Variants in PARP6 observed in about 807,000 individuals in gnomAD.
PARP6 encodes poly(ADP-ribose) polymerase family member 6.
In PARP6, 27 loss-of-function variants were observed where a neutral mutation model predicts 92.0. That is an observed-to-expected ratio of 0.29 (90% CI 0.22 to 0.40). The LOEUF (loss-of-function observed/expected upper bound fraction) is 0.40. Among genes scored for constraint, PARP6 ranks in the 10% least tolerant of loss-of-function variants. The pLI, the probability that PARP6 is intolerant of heterozygous loss-of-function variation, is 1.00. For missense variants in PARP6, 501 were observed against 784.5 expected, an observed-to-expected ratio of 0.64 and a Z score of 4.32; for synonymous variants, 272 against 281.2, an observed-to-expected ratio of 0.97 and a Z score of 0.33.
chr15:72,253,703 A>T, intron 15 of PARP6, 199 bp from the exon 16 acceptor site: 1 of 689,474 alleles, frequency 1.5e-6, no homozygotes. Flanking sequence ...AAAATGACTG[A>T]AGATGCTTAC....
At chr15:72,243,987 C>T (rs916978517) in intron 20 of PARP6, 6 of 152,192 alleles carry the variant, frequency 3.9e-5, no homozygotes, top group African/African-American at 1.4e-4. Context: ...TGCATTTACA[C>T]TCAAGTCTCG....
At chr15:72,250,280 C>T (rs2084179284) in intron 18 of PARP6, 188 bp from the exon 19 acceptor site, 5 of 562,078 alleles carry the variant, frequency 8.9e-6, no homozygotes, top group South Asian at 8.2e-5. Context: ...AACTCTACGT[C>T]TCTATTTCCA....
chr15:72,259,600 T>TTAA lies in PARP6; in HGVS notation c.810+7_810+8insTTA. On this transcript the variant is annotated splice_region_variant and intron_variant, in intron 11 of 23. Transcript: ENST00000569795. ...AGGGCTTCGGAGTGACAATTTTGAC[T>TTAA]TGATTACCTGAACGAGGAATCCATA... The TTAA allele has an allele frequency of 6.2e-7, 1 of 1,613,812 alleles. No individual in the cohort carries two copies. The highest frequency in any genetic ancestry group is 8.5e-7 in the Non-Finnish European group (1 of 1,179,724).
chr15:72,250,714 C>T (rs2084229867), intron 18 of PARP6, 131 bp downstream of exon 18: 3 of 633,696 alleles, frequency 4.7e-6, no homozygotes, highest in Non-Finnish European at 8.6e-6. Context: ...GCACCTACCA[C>T]AATAGCATTT....
chr15:72,250,537 T>C (rs766571093), intron 18 of PARP6: 1 of 356,638 alleles, frequency 2.8e-6, no homozygotes, highest in African/African-American at 2.1e-5. Flanking sequence ...CCTCTCAAAA[T>C]TAGGCATAAA....
rs1022916038 is a variant in PARP6, at chr15:72,260,496, T to C, written c.738A>G (p.Pro246=). The part of the protein sequence containing the change: ...LCPQHVGLPP[P]ARTSPLVSGH... ...CATGTACCAAAGGAGAGGTCCGTGC[T>C]GGGGGAGGGAGGCCCACGTGCTGAG... The change falls in exon 10 of 24, where the codon CCA becomes CCG. Residue 246 remains proline (P), a synonymous_variant. Transcript: ENST00000569795. The C allele has an allele frequency of 6.2e-7, 1 of 1,614,022 alleles. No homozygotes were observed. The highest frequency in any genetic ancestry group is 8.5e-7 in the Non-Finnish European group (1 of 1,179,900).
chr15:72,262,879 T>C (rs1223922081), intron 8 of PARP6, among the ~76,000 whole-genome samples: 1 of 152,214 alleles, frequency 6.6e-6, no homozygotes, highest in African/African-American at 2.4e-5. Context: ...TAAGGGTATT[T>C]TGTCCTTGAT....
chr15:72,264,990 T>C (rs1205083298), intron 7 of PARP6, 91 bp downstream of exon 7: 6 of 829,434 alleles, frequency 7.2e-6, no homozygotes, highest in African/African-American at 6.7e-5. Flanking sequence ...CCCAAGGACC[T>C]TGTTCCTAAT....
At chr15:72,269,899 CAA>C (rs59023007) in intron 2 of PARP6, among the ~76,000 whole-genome samples, 84,983 of 100,316 alleles carry the variant, frequency 0.85, 35,963 homozygotes, top group South Asian at 0.95. Context: ...AACTCTGTCT[CAA>C]AAAAAAAAAA....
Position 72,267,658 on chromosome 15 carries a change from A to C in PARP6, c.-181T>G. 1.6e-6 allele frequency: 1 copy of C among 641,346 alleles called. No homozygotes were observed. Among genetic ancestry groups the C allele is most frequent in the East Asian group, 2.7e-5 (1 of 36,878 alleles). The allele number at this position is 641,346 out of a possible 1,614,324, so 39.7% of individuals were successfully genotyped here. A position where few individuals can be genotyped will look rare whatever the true frequency, so the allele number is the denominator to read the frequency against. On this transcript the variant is annotated 5_prime_UTR_variant, in exon 3 of 24. Transcript: ENST00000569795. ...TGGCAGGCTCTGCTGTTGCGGTGGT[A>C]ACAAGTCACTGTCCTGTGGAAAGTA...
chr15:72,250,914 C>T lies in PARP6; in HGVS notation c.1349G>A (p.Ser450Asn). The T allele has an allele frequency of 6.2e-7, 1 of 1,613,682 alleles. No homozygotes were observed. The highest frequency in any genetic ancestry group is 8.5e-7 in the Non-Finnish European group (1 of 1,179,854). ...MHTSHQFLLL[S>N]SPPAKEARFR... Reference sequence around the variant, plus strand: ...CCGAGCCTCCTTGGCAGGAGGGCTGCTCAGCAGGAGGAACTGGTGTGAGGT... The same window carrying T: ...CCGAGCCTCCTTGGCAGGAGGGCTGTTCAGCAGGAGGAACTGGTGTGAGGT... The change falls in exon 18 of 24, where the codon AGC becomes AAC. Residue 450 changes from serine to asparagine, a missense_variant. Coordinates refer to ENST00000569795, the MANE Select transcript of PARP6 (RefSeq NM_001323532.2).
chr15:72,242,561 C>T lies in PARP6; in HGVS notation c.1641+59G>A, dbSNP rs2083175065. 5 of 1,152,978 alleles carry T rather than the reference C, an allele frequency of 4.3e-6. No individual in the cohort carries two copies. In the East Asian group the frequency reaches 1.2e-4, roughly 27 times the overall value. 71.4% of individuals were successfully genotyped at this position (1,152,978 alleles called of 1,614,324 possible). A position where few individuals can be genotyped will look rare whatever the true frequency, so the allele number is the denominator to read the frequency against. ...CTCACCCCACTGTTTCCCTGTCCAGCTCTGGAGCCTAAATTAGCCCCAGGG... is the reference window on the plus strand; with the variant it reads ...CTCACCCCACTGTTTCCCTGTCCAGTTCTGGAGCCTAAATTAGCCCCAGGG... On this transcript the variant is annotated intron_variant, in intron 21 of 23. Transcript: ENST00000569795. The surrounding 1 kb of genome is among the most constrained non-coding windows in gnomAD (Gnocchi z 4.3).
chr15:72,262,976 T>A (rs1385212196), intron 8 of PARP6, among the ~76,000 whole-genome samples: 3 of 152,250 alleles, frequency 2.0e-5, no homozygotes, highest in Non-Finnish European at 4.4e-5. Context: ...TTGATGCATA[T>A]CTTCAACCCT....
At chr15:72,250,473 A>T in intron 18 of PARP6, 1 of 309,270 alleles carries the variant, frequency 3.2e-6, no homozygotes, top group South Asian at 4.5e-5. Flanking sequence ...TTTTAAGAAA[A>T]GGGTACTACC....
chr15:72,242,624 G>T lies in PARP6; in HGVS notation c.1637C>A (p.Pro546His), dbSNP rs753111054. ...TCATTAGAATAGTTCCAATACCTGG[G>T]GGATGGTATTCATCCTGTTGTATCT... ...VQRYNRMNTI[P>H]QTRSIQSRFL... Residue 546 changes from proline (P) to histidine (H), a missense_variant, in exon 21 of 24, where the codon CCC (proline) becomes CAC (histidine). Physicochemically the swap from Pro to His is moderately conservative, Grantham distance 77. Around this residue, in one of 4 missense-constraint regions of PARP6, gnomAD observed 191 missense variants for 399.1 expected, o/e 0.48. Transcript: ENST00000569795. The surrounding 1 kb of genome is among the most constrained non-coding windows in gnomAD (Gnocchi z 4.3). 6.3e-7 allele frequency: 1 copy of T among 1,593,976 alleles called. No individual in the cohort carries two copies.
At position 72,264,616 on chromosome 15, in the gene PARP6, A is replaced by T. The variant is rs2086324764; in HGVS notation, c.334T>A (p.Ser112Thr). The T allele has an allele frequency of 6.2e-7, 1 of 1,613,596 alleles. No individual in the cohort carries two copies. The highest frequency in any genetic ancestry group is 1.3e-5 in the African/African-American group (1 of 74,918). Residue 112 changes from serine to threonine, a missense_variant, in exon 8 of 24, where the codon TCC becomes ACC. Ser to Thr is a moderately conservative substitution (Grantham distance 58). Around this residue, in one of 4 missense-constraint regions of PARP6, gnomAD observed 291 missense variants for 352.0 expected, o/e 0.83. Transcript: ENST00000569795. ...LSQYLDGPEPSIEVFQPSNKE... is the reference protein window; with the variant it reads ...LSQYLDGPEPTIEVFQPSNKE... ...TTTGATGGCTGGAAAACCTCAATGG[A>T]TGGTTCTGCAAAGAGAAGAGAAGGC...
intron 5 of PARP6, 61 bp downstream of exon 5, chr15:72,265,836 C>T: frequency 9.0e-7 from 1 of 1,113,360 alleles, no homozygotes; most frequent in South Asian, 1.2e-5. Flanking sequence ...AAACCTCTAG[C>T]CTTTTAACAA....
intron 2 of PARP6, among the ~76,000 whole-genome samples, chr15:72,270,226 C>T (rs1313664788): frequency 6.6e-6 from 1 of 151,928 alleles, no homozygotes; most frequent in Non-Finnish European, 1.5e-5. Flanking sequence ...ATGGAATGAC[C>T]CGATTACTGA....
intron 8 of PARP6, among the ~76,000 whole-genome samples, 160 bp from the exon 9 acceptor site, chr15:72,261,867 T>TA (rs1192637007): frequency 4.0e-5 from 6 of 151,886 alleles, no homozygotes; most frequent in African/African-American, 9.7e-5. Flanking sequence ...CCTTAGTAAA[T>TA]AAAAAAATCA....
Sources: allele counts gnomAD v4.1 joint callset (sites outside exome capture counted in the v4.1 genomes callset), GRCh38; gene constraint gnomAD v4.1.1; regional missense constraint gnomAD v4.1.1; non-coding constraint Gnocchi (gnomAD v3.1); transcripts MANE v1.5; gene names NCBI Gene and HGNC (gene_info 2026-07-23, HGNC 2026-07-21).